The following CCDC158 variants were observed in gnomAD, a reference collection of about 807,000 sequenced individuals.
The protein encoded by CCDC158 is coiled-coil domain-containing protein 158.
Under a neutral mutation model 138.6 loss-of-function variants are expected in CCDC158, and 116 were observed. That is an observed-to-expected ratio of 0.84 (90% confidence interval 0.72 to 0.98). The LOEUF (loss-of-function observed/expected upper bound fraction) is 0.98. CCDC158 is among the 50% of genes least tolerant of loss of function. The pLI is 0.00. For missense variants in CCDC158, 1,265 were observed against 1,306.1 expected (o/e 0.97, Z 0.48); for synonymous variants, 436 against 442.4 (o/e 0.99, Z 0.18).
intron 18 of CCDC158, among the ~76,000 whole-genome samples, chr4:76,336,804 C>T (rs1476484418): frequency 1.3e-5 from 2 of 152,184 alleles, no homozygotes; most frequent in African/African-American, 2.4e-5. Context: ...AACTGTCCCC[C>T]TTGCTTGATC....
Position 76,331,393 on chromosome 4 carries a change from A to G in CCDC158, c.2893T>C (p.Ser965Pro), listed in dbSNP as rs777721428. ...CTTCCTTCAGTGGAGTCCCTCAACG[A>G]GTTGTTGCTTCTGTTGGTAGAGGGA... Reference protein sequence around the residue: ...RSDMCHRSNNSLRDSTEGSKS... With the variant: ...RSDMCHRSNNPLRDSTEGSKS... The change falls in exon 21 of 25, where the codon TCG (serine) becomes CCG (proline). Residue 965 changes from serine to proline, a missense_variant. Ser to Pro is a moderately conservative substitution (Grantham distance 74). Coordinates refer to ENST00000682701, the MANE Select transcript of CCDC158 (RefSeq NM_001394954.1). The G allele has an allele frequency of 2.5e-6, 4 of 1,613,806 alleles. No individual in the cohort carries two copies. In the African/African-American group the frequency reaches 4.0e-5, roughly 16 times the overall value.
chr4:76,373,050 T>C (rs1212559264), intron 9 of CCDC158, among the ~76,000 whole-genome samples: 1 of 152,200 alleles, frequency 6.6e-6, no homozygotes, highest in Non-Finnish European at 1.5e-5. Context: ...GGTTTCGCCA[T>C]GTTGGCCAGG....
chr4:76,375,431 C>G (rs1579014271), intron 9 of CCDC158: 2 of 548,834 alleles, frequency 3.6e-6, no homozygotes, highest in Admixed American at 3.2e-5. Flanking sequence ...ATGCTACAGG[C>G]CAGCATGGCG....
intron 4 of CCDC158, among the ~76,000 whole-genome samples, chr4:76,392,263 G>GATCAT (rs1727382319): frequency 6.6e-6 from 1 of 151,986 alleles, no homozygotes; most frequent in Admixed American, 6.6e-5. Context: ...ACATTAAAAA[G>GATCAT]ATCATATATC....
chr4:76,345,727 A>G, intron 18 of CCDC158: 1 of 562,072 alleles, frequency 1.8e-6, no homozygotes, highest in Non-Finnish European at 3.2e-6. Context: ...GATTTCTACA[A>G]ATCTTAAAAA....
intron 1 of CCDC158, chr4:76,414,181 C>G (rs1483352105): frequency 6.6e-6 from 1 of 152,136 alleles, no homozygotes; most frequent in Non-Finnish European, 1.5e-5. Flanking sequence ...AGTGCTAGGA[C>G]AGGGATAAGC....
intron 9 of CCDC158, among the ~76,000 whole-genome samples, chr4:76,374,078 C>G (rs373980717): frequency 6.6e-6 from 1 of 152,054 alleles, no homozygotes; most frequent in East Asian, 1.9e-4. Flanking sequence ...ATCGCTTGAG[C>G]CTGGGAGTTT....
chr4:76,329,689 T>A (rs1720852212), intron 21 of CCDC158, among the ~76,000 whole-genome samples: 1 of 152,226 alleles, frequency 6.6e-6, no homozygotes, highest in African/African-American at 2.4e-5. Flanking sequence ...TAGTTCTCTG[T>A]GAGTTGGGTA....
intron 21 of CCDC158, among the ~76,000 whole-genome samples, chr4:76,329,811 T>A (rs902735993): frequency 6.6e-6 from 1 of 152,174 alleles, no homozygotes; most frequent in East Asian, 1.9e-4. Flanking sequence ...TTTATAACTT[T>A]CAGTCTCTCA....
chr4:76,412,332 G>A (rs944869499), intron 1 of CCDC158, among the ~76,000 whole-genome samples, 200 bp from the exon 2 acceptor site: 3 of 152,168 alleles, frequency 2.0e-5, no homozygotes, highest in East Asian at 1.9e-4. Context: ...CCTAGAGCAG[G>A]CCAGGCATGG....
intron 7 of CCDC158, among the ~76,000 whole-genome samples, chr4:76,383,093 G>T (rs1579037982): frequency 6.6e-6 from 1 of 152,126 alleles, no homozygotes; most frequent in Admixed American, 6.5e-5. Flanking sequence ...ATTAGCTCTG[G>T]TCAGGTTTTT....
At chr4:76,389,083 A>T (rs972349859) in intron 4 of CCDC158, among the ~76,000 whole-genome samples, 1 of 152,132 alleles carries the variant, frequency 6.6e-6, no homozygotes, top group African/African-American at 2.4e-5. Flanking sequence ...AACACCATCC[A>T]GGAAAACATG....
chr4:76,315,397 A>G (rs1719288572), intron 24 of CCDC158, among the ~76,000 whole-genome samples: 1 of 152,122 alleles, frequency 6.6e-6, no homozygotes. Flanking sequence ...CACCCGATAA[A>G]CCCAAATACT....
At position 76,385,159 on chromosome 4, in the gene CCDC158, G is replaced by A. The variant is rs111509880; in HGVS notation, c.289-494C>T. 4.3e-3 allele frequency among the ~76,000 whole-genome samples: 649 copies of A among 152,278 alleles called. 4 individuals carry two copies. Among genetic ancestry groups the A allele is most frequent in the African/African-American group, 0.015 (606 of 41,564 alleles). ...GCTGTAGGAGATGCTCCCGTACATA[G>A]TTGATGCCATACCTAATCCTCCCAA... On this transcript the variant is annotated intron_variant, in intron 4 of 24. Coordinates refer to ENST00000682701, the MANE Select transcript of CCDC158 (RefSeq NM_001394954.1).
chr4:76,345,928 G>A (rs1722503315), intron 18 of CCDC158, among the ~76,000 whole-genome samples: 1 of 151,686 alleles, frequency 6.6e-6, no homozygotes, highest in African/African-American at 2.4e-5. Flanking sequence ...AGCCCATATG[G>A]TCAAAACAAT....
chr4:76,379,643 T>A (rs934958014), intron 8 of CCDC158, among the ~76,000 whole-genome samples: 2 of 152,166 alleles, frequency 1.3e-5, no homozygotes, highest in Non-Finnish European at 2.9e-5. Context: ...TACTTTTGTA[T>A]ATGATAGAAA....
intron 17 of CCDC158, 95 bp from the exon 18 acceptor site, chr4:76,351,216 A>C: frequency 8.4e-7 from 1 of 1,186,842 alleles, no homozygotes; most frequent in South Asian, 1.7e-5. Flanking sequence ...CACAGGCAAA[A>C]TCCATTATTG....
At chr4:76,335,108 G>C (rs1560796570) in intron 18 of CCDC158, among the ~76,000 whole-genome samples, 1 of 152,088 alleles carries the variant, frequency 6.6e-6, no homozygotes, top group Non-Finnish European at 1.5e-5. Flanking sequence ...TTGTCATGAT[G>C]AGTCAGTCTA....
intron 13 of CCDC158, 100 bp from the exon 14 acceptor site, chr4:76,357,626 C>G: frequency 1.3e-6 from 1 of 775,832 alleles, no homozygotes; most frequent in Non-Finnish European, 1.9e-6. Context: ...AATTTTAGAA[C>G]TGGAAGAGAA....
Sources: allele counts gnomAD v4.1 joint callset (sites outside exome capture counted in the v4.1 genomes callset), GRCh38; gene constraint gnomAD v4.1.1; transcripts MANE v1.5; gene names NCBI Gene and HGNC (gene_info 2026-07-23, HGNC 2026-07-21).